Variants in CYP2J2 observed in about 807,000 individuals in gnomAD.
The protein encoded by CYP2J2 is cytochrome P450 family 2 subfamily J member 2.
Under a neutral mutation model 48.8 loss-of-function variants are expected in CYP2J2, and 41 were observed. The ratio of observed to expected loss-of-function variants is 0.84; its 90% confidence interval spans 0.66 to 1.09. The LOEUF is 1.09. Among genes scored for constraint, CYP2J2 ranks in the 50% least tolerant of loss-of-function variants. CYP2J2 has a pLI of 0.00. For synonymous variants in CYP2J2, 221 were observed against 227.1 expected, an observed-to-expected ratio of 0.97 and a Z score of 0.24; for missense variants, 644 against 617.3, an observed-to-expected ratio of 1.04 and a Z score of -0.46.
chr1:59,958,648 T>TA, the CYP2J2 span, among the ~76,000 whole-genome samples: 3 of 152,122 alleles, frequency 2.0e-5, no homozygotes, highest in Non-Finnish European at 4.4e-5. Flanking sequence ...GCATGTAACT[T>TA]ACTCTCTTTT....
the CYP2J2 span, among the ~76,000 whole-genome samples, chr1:59,947,475 G>A: frequency 5.9e-5 from 9 of 152,180 alleles, no homozygotes; most frequent in Admixed American, 1.3e-4. Flanking sequence ...TCTCAGCTGA[G>A]CCAGAGAGCT....
the CYP2J2 span, among the ~76,000 whole-genome samples, chr1:59,949,043 GA>G: frequency 1.0e-3 from 150 of 147,498 alleles, no homozygotes; most frequent in African/African-American, 3.5e-3. Context: ...CCACATCTCT[GA>G]AAAAAAAAAT....
At chr1:59,935,303 G>A in the CYP2J2 span, among the ~76,000 whole-genome samples, 2 of 151,930 alleles carry the variant, frequency 1.3e-5, no homozygotes, top group Non-Finnish European at 2.9e-5. Context: ...GCAGTTATAA[G>A]ACATATAAGT....
At chr1:59,928,734 C>T (rs1644589414), upstream of CYP2J2, among the ~76,000 whole-genome samples, 1 of 152,192 alleles carries the variant, frequency 6.6e-6, no homozygotes, top group Admixed American at 6.5e-5. Flanking sequence ...ATAGAGGTTC[C>T]ACACTGGGAG....
At chr1:59,959,677 A>G in the CYP2J2 span, among the ~76,000 whole-genome samples, 2 of 152,130 alleles carry the variant, frequency 1.3e-5, no homozygotes, top group African/African-American at 4.8e-5. Flanking sequence ...ATATATATAC[A>G]TATGTATATG....
the CYP2J2 span, among the ~76,000 whole-genome samples, chr1:59,956,184 G>A: frequency 6.6e-6 from 1 of 152,032 alleles, no homozygotes; most frequent in Non-Finnish European, 1.5e-5. Context: ...AGTGAAAATG[G>A]GTAAAGAGTA....
At chr1:59,960,874 A>C in the CYP2J2 span, among the ~76,000 whole-genome samples, 1 of 152,174 alleles carries the variant, frequency 6.6e-6, no homozygotes. Flanking sequence ...ATTTGACCAA[A>C]GTGCCAAGAC....
In CYP2J2 at chr1:59,926,706, G is replaced by T; in HGVS notation, c.41C>A (p.Ala14Glu). 1 of 1,613,360 alleles carries T rather than the reference G, an allele frequency of 6.2e-7. No homozygotes were observed. Among genetic ancestry groups the T allele is most frequent in the South Asian group, 1.1e-5 (1 of 91,072 alleles). ...AMGSLAAALW[A>E]VVHPRTLLLG... Reference sequence around the variant, plus strand: ...TAGGAGAGTCCGAGGATGGACCACTGCCCAGAGGGCAGCCGCCAGAGAGCC... The same window carrying T: ...TAGGAGAGTCCGAGGATGGACCACTTCCCAGAGGGCAGCCGCCAGAGAGCC... Residue 14 changes from alanine to glutamate, a missense_variant, in exon 1 of 9, where the codon GCA (alanine) becomes GAA (glutamate). Ala to Glu is a moderately radical substitution (Grantham distance 107). Coordinates refer to ENST00000371204, the MANE Select transcript of CYP2J2 (RefSeq NM_000775.4).
At chr1:59,926,867 C>A, upstream of CYP2J2, 3 of 884,676 alleles carry the variant, frequency 3.4e-6, no homozygotes, top group Non-Finnish European at 5.2e-6. Context: ...TTCGCAGCAC[C>A]CTGCGAAGAT....
At chr1:59,941,338 A>G in the CYP2J2 span, among the ~76,000 whole-genome samples, 3 of 151,932 alleles carry the variant, frequency 2.0e-5, no homozygotes, top group African/African-American at 7.3e-5. Flanking sequence ...GTAATGGCAT[A>G]GTGTAACACA....
At chr1:59,950,809 G>A in the CYP2J2 span, among the ~76,000 whole-genome samples, 2 of 152,126 alleles carry the variant, frequency 1.3e-5, no homozygotes, top group Non-Finnish European at 2.9e-5. Context: ...GCTGTCTGCT[G>A]GGCACCTCAA....
rs11572262 is a variant in CYP2J2 at position 59,911,242 on chromosome 1, C to T, written c.684+366G>A. Among the ~76,000 whole-genome samples the T allele has an allele frequency of 8.7e-3, 1,320 of 152,192 alleles. 12 individuals carry two copies. The highest frequency in any genetic ancestry group is 0.014 in the Admixed American group (216 of 15,278). On this transcript the variant is annotated intron_variant, in intron 4 of 8. Coordinates refer to ENST00000371204, the MANE Select transcript of CYP2J2 (RefSeq NM_000775.4). ...AACTTGCTGAGGAAGAAAGAGGATA[C>T]AGAAGAGAACCTCTGAGGGAGGAGG...
intron 8 of CYP2J2, among the ~76,000 whole-genome samples, chr1:59,896,398 CCTATTGAAAAT>C (rs1644269914): frequency 6.6e-6 from 1 of 151,890 alleles, no homozygotes; most frequent in Non-Finnish European, 1.5e-5. Context: ...TATTGATTCA[CCTATTGAAAAT>C]CTGAGTTCAT....
At chr1:59,966,552 A>G in the CYP2J2 span, among the ~76,000 whole-genome samples, 24 of 152,166 alleles carry the variant, frequency 1.6e-4, no homozygotes, top group Admixed American at 1.6e-3. Flanking sequence ...ACTTTATGAC[A>G]CTGTTTTTGC....
At chr1:59,905,596 T>C (rs983278815) in intron 6 of CYP2J2, among the ~76,000 whole-genome samples, 2 of 152,226 alleles carry the variant, frequency 1.3e-5, no homozygotes, top group Non-Finnish European at 2.9e-5. Flanking sequence ...GAGTGGAAAG[T>C]GGGCCCTGAG....
Position 59,926,556 on chromosome 1 carries a change from G to A in CYP2J2, c.191C>T (p.Ser64Leu), listed in dbSNP as rs1644566224. Residue 64 changes from serine (S) to leucine (L), a missense_variant, in exon 1 of 9, where the codon TCG becomes TTG. Physicochemically the swap from Ser to Leu is moderately radical, Grantham distance 145. Transcript: ENST00000371204. ...TCCTACCAGCTGAACCTCCAGGTGCGACTGCTCGAAGTCCACAAGGAAGAA... is the reference window on the plus strand; with the variant it reads ...TCCTACCAGCTGAACCTCCAGGTGCAACTGCTCGAAGTCCACAAGGAAGAA... ...GNFFLVDFEQ[S>L]HLEVQLFVKK... 3 of 1,614,096 alleles carry A rather than the reference G, an allele frequency of 1.9e-6. No homozygotes were observed. The highest frequency in any genetic ancestry group is 2.2e-5 in the East Asian group (1 of 44,872).
the CYP2J2 span, among the ~76,000 whole-genome samples, chr1:59,948,380 T>C: frequency 2.0e-5 from 3 of 152,212 alleles, no homozygotes; most frequent in South Asian, 4.1e-4. Context: ...GTTTTGAGTA[T>C]GCACATCTAT....
chr1:59,908,060 C>G, intron 5 of CYP2J2, 133 bp from the exon 6 acceptor site: 1 of 837,198 alleles, frequency 1.2e-6, no homozygotes, highest in Non-Finnish European at 1.9e-6. Flanking sequence ...TTCCCTTTGG[C>G]CTCTTCAGAA....
At chr1:59,935,025 T>TATATATATATATATATATAC in the CYP2J2 span, among the ~76,000 whole-genome samples, 365 of 85,808 alleles carry the variant, frequency 4.3e-3, 10 homozygotes, top group East Asian at 0.017. Context: ...CATATATATA[T>TATATATATATATATATATAC]ATATATATAT....
Sources: gnomAD v4.1 joint callset for allele counts (sites outside exome capture counted in the v4.1 genomes callset) on GRCh38, gnomAD v4.1.1 for gene constraint, MANE v1.5 for transcripts, NCBI Gene and HGNC (gene_info 2026-07-23, HGNC 2026-07-21) for gene names.